The following TET3 variants were observed in gnomAD, a reference collection of about 807,000 sequenced individuals.
TET3 encodes the protein methylcytosine dioxygenase TET3.
A neutral mutation model predicts 141.4 loss-of-function variants in TET3; 19 were observed. The ratio of observed to expected loss-of-function variants is 0.13; its 90% CI spans 0.09 to 0.20. TET3 has a LOEUF of 0.20. TET3 is among the 10% of genes least tolerant of loss of function. TET3 has a pLI of 1.00. For missense variants in TET3, 1,874 were observed against 2,356.9 expected, an observed-to-expected ratio of 0.80 and a Z score of 4.24; for synonymous variants, 1,043 against 980.9, an observed-to-expected ratio of 1.06 and a Z score of -1.18.
At chr2:73,992,645 C>T (rs1453764303) in intron 2 of TET3, among the ~76,000 whole-genome samples, 5 of 151,994 alleles carry the variant, frequency 3.3e-5, no homozygotes, top group South Asian at 4.2e-4. Flanking sequence ...GACAGAGTGT[C>T]GCTATTTTGC....
intron 2 of TET3, among the ~76,000 whole-genome samples, chr2:73,989,144 G>A (rs1431327015): frequency 6.6e-6 from 1 of 151,962 alleles, no homozygotes; most frequent in Non-Finnish European, 1.5e-5. Flanking sequence ...GAGACCCCAA[G>A]ACCAGCCCAG....
At chr2:73,989,641 G>A (rs1010309186) in intron 2 of TET3, among the ~76,000 whole-genome samples, 1 of 148,308 alleles carries the variant, frequency 6.7e-6, no homozygotes, top group Non-Finnish European at 1.5e-5. Context: ...CCTAGGAGGC[G>A]GTGACTACTT....
chr2:74,074,105 C>T (rs1689361670), intron 5 of TET3, among the ~76,000 whole-genome samples: 1 of 152,144 alleles, frequency 6.6e-6, no homozygotes, highest in Non-Finnish European at 1.5e-5. Flanking sequence ...TATAATGTCT[C>T]ACTCCTGGCC....
chr2:74,114,725 G>T, the TET3 span, among the ~76,000 whole-genome samples: 1 of 151,376 alleles, frequency 6.6e-6, no homozygotes, highest in Non-Finnish European at 1.5e-5. Flanking sequence ...GTGGTGGCAG[G>T]TGCCTGTAAT....
rs1691502049 is a variant in TET3 at position 74,106,298 on chromosome 2, C to T, written c.*4122C>T. 6.6e-6 allele frequency: 1 copy of T among 152,264 alleles called. No individual in the cohort carries two copies. Among genetic ancestry groups the T allele is most frequent in the Non-Finnish European group, 1.5e-5 (1 of 68,062 alleles). The allele number at this position is 152,264 out of a possible 1,614,324, so 9.4% of individuals were successfully genotyped here. ...TGCTTTTTGGTTCCACACCTGTCTT[C>T]TCAGGCTTGATGTGAAAGAAAGGGC... On this transcript the variant is annotated 3_prime_UTR_variant, in exon 12 of 12. Transcript: ENST00000409262.
downstream of TET3, among the ~76,000 whole-genome samples, chr2:74,110,460 C>A (rs911387507): frequency 6.6e-6 from 1 of 152,122 alleles, no homozygotes; most frequent in African/African-American, 2.4e-5. Context: ...ATTCAACGTC[C>A]CATGTCCATG....
intron 5 of TET3, among the ~76,000 whole-genome samples, chr2:74,079,695 A>G (rs751655858): frequency 6.6e-6 from 1 of 152,186 alleles, no homozygotes; most frequent in Non-Finnish European, 1.5e-5. Flanking sequence ...AGAGAAGTTT[A>G]GTAATTTGGC....
At chr2:74,015,403 A>G (rs530433764) in intron 3 of TET3, among the ~76,000 whole-genome samples, 2 of 152,362 alleles carry the variant, frequency 1.3e-5, no homozygotes, top group African/African-American at 4.8e-5. Flanking sequence ...CCATCCCAGT[A>G]TAATCACTAT....
intron 10 of TET3, among the ~76,000 whole-genome samples, chr2:74,094,172 C>T (rs538164450): frequency 6.6e-6 from 1 of 152,280 alleles, no homozygotes; most frequent in Non-Finnish European, 1.5e-5. Context: ...ACAGGAGATG[C>T]TGTTTTAGAT....
At position 74,047,851 on chromosome 2, in the gene TET3, C is replaced by T. The variant is rs201583228; in HGVS notation, c.1934C>T (p.Pro645Leu). The change falls in exon 4 of 12, where the codon CCG (proline) becomes CTG (leucine). Residue 645 changes from proline (P) to leucine (L), a missense_variant. Physicochemically the swap from Pro to Leu is moderately conservative, Grantham distance 98 (BLOSUM62 -3). This residue lies in a region of TET3 where 484 missense variants were observed against 462.2 expected (regional missense o/e 1.05). Transcript: ENST00000409262. ...TCCCAGGAAGTGCAGGCTCATCCAC[C>T]GGCCCCTCTGCCTGCCTCACAGGGC... ...PASQEVQAHP[P>L]APLPASQGSA... 7.7e-4 allele frequency: 1,238 copies of T among 1,612,450 alleles called. 5 individuals are homozygous for T. In the African/African-American group the frequency reaches 0.014, roughly 19 times the overall value.
intron 3 of TET3, among the ~76,000 whole-genome samples, chr2:74,014,465 A>G (rs909592036): frequency 5.9e-5 from 9 of 152,130 alleles, no homozygotes; most frequent in Non-Finnish European, 1.3e-4. Flanking sequence ...GCAGTGCAGC[A>G]CTTGGTGACT....
intron 4 of TET3, among the ~76,000 whole-genome samples, chr2:74,052,407 T>TC (rs1298357055): frequency 3.3e-5 from 5 of 152,150 alleles, no homozygotes; most frequent in Admixed American, 3.3e-4. Flanking sequence ...ATTCATCCCC[T>TC]CACCAGTGGT....
intron 4 of TET3, among the ~76,000 whole-genome samples, chr2:74,066,020 G>A (rs1037255650): frequency 3.3e-5 from 5 of 152,312 alleles, no homozygotes; most frequent in African/African-American, 1.2e-4. Flanking sequence ...GCCTCCCAAA[G>A]TGCTGGGATT....
chr2:74,114,769 G>T, the TET3 span, among the ~76,000 whole-genome samples: 2 of 146,950 alleles, frequency 1.4e-5, no homozygotes, highest in Non-Finnish European at 3.0e-5. Flanking sequence ...CAGGAAAATC[G>T]TTTGAACCCA....
upstream of TET3, among the ~76,000 whole-genome samples, chr2:73,983,866 A>C (rs1217051604): frequency 6.6e-6 from 1 of 152,200 alleles, no homozygotes; most frequent in Non-Finnish European, 1.5e-5. Flanking sequence ...GCTCCCCTGC[A>C]ACCGAGGTAG....
chr2:74,024,477 T>A (rs1226596040), intron 3 of TET3, among the ~76,000 whole-genome samples: 1 of 152,018 alleles, frequency 6.6e-6, no homozygotes, highest in African/African-American at 2.4e-5. Context: ...CTGGAGACCA[T>A]CCAGGCGGCC....
chr2:73,997,166 C>T (rs972253114), intron 2 of TET3, among the ~76,000 whole-genome samples: 10 of 152,240 alleles, frequency 6.6e-5, no homozygotes, highest in African/African-American at 2.4e-4. Flanking sequence ...GACTGTGGGT[C>T]CCCCATGCCT....
chr2:74,061,179 CGGCCG>C (rs1292733729), intron 4 of TET3, among the ~76,000 whole-genome samples: 3 of 126,652 alleles, frequency 2.4e-5, no homozygotes, highest in Non-Finnish European at 5.1e-5. Context: ...ACGGGGCGGC[CGGCCG>C]GGCGGGGGGC....
chr2:74,124,686 C>A, the TET3 span, among the ~76,000 whole-genome samples: 18 of 151,904 alleles, frequency 1.2e-4, no homozygotes, highest in South Asian at 3.7e-3. Flanking sequence ...GGATTAAGGG[C>A]GGTGCAAGAT....
Sources: allele counts gnomAD v4.1 joint callset (sites outside exome capture counted in the v4.1 genomes callset), GRCh38; gene constraint gnomAD v4.1.1; regional missense constraint gnomAD v4.1.1; transcripts MANE v1.5; gene names NCBI Gene and HGNC (gene_info 2026-07-23, HGNC 2026-07-21).